Variants in DSCAM observed in about 807,000 individuals in gnomAD.
DSCAM encodes the protein cell adhesion molecule DSCAM.
A neutral mutation model predicts 217.7 loss-of-function variants in DSCAM; 47 were observed. The observed-to-expected ratio is 0.22, with a 90% CI of 0.17 to 0.28. The LOEUF (loss-of-function observed/expected upper bound fraction) is 0.28. DSCAM is among the 10% of genes least tolerant of loss of function. The pLI, the probability that DSCAM is intolerant of heterozygous loss-of-function variation, is 1.00. For synonymous variants in DSCAM, 1,056 were observed against 1,015.3 expected (o/e 1.04, Z -0.76); for missense variants, 2,080 against 2,618.3 (o/e 0.79, Z 4.49).
At chr21:40,320,775 A>G (rs1436928060) in intron 8 of DSCAM, among the ~76,000 whole-genome samples, 1 of 152,192 alleles carries the variant, frequency 6.6e-6, no homozygotes. Context: ...CGAGAACAGT[A>G]TGAGGAAACT....
At chr21:40,223,835 G>C (rs984297754) in intron 11 of DSCAM, among the ~76,000 whole-genome samples, 19 of 152,152 alleles carry the variant, frequency 1.2e-4, no homozygotes, top group Non-Finnish European at 2.2e-4. Context: ...AAACAGAGAG[G>C]GTGCTCAAAA....
chr21:40,498,127 CTG>C (rs1236464980), intron 3 of DSCAM, among the ~76,000 whole-genome samples: 2 of 152,136 alleles, frequency 1.3e-5, no homozygotes, highest in Non-Finnish European at 2.9e-5. Flanking sequence ...AATAATAACT[CTG>C]TGTCATTGGG....
chr21:40,424,501 G>A (rs1288044724), intron 3 of DSCAM, among the ~76,000 whole-genome samples: 2 of 152,172 alleles, frequency 1.3e-5, no homozygotes, highest in Non-Finnish European at 2.9e-5. Flanking sequence ...GCCGCAGGAG[G>A]TGAGCAAGGA....
intron 15 of DSCAM, among the ~76,000 whole-genome samples, chr21:40,173,453 T>C (rs546049835): frequency 2.6e-5 from 4 of 152,296 alleles, no homozygotes; most frequent in Admixed American, 2.6e-4. Flanking sequence ...TTAGATTTAA[T>C]TCCCAAAGTT....
chr21:40,514,296 C>T (rs2076282823), intron 3 of DSCAM, among the ~76,000 whole-genome samples: 1 of 152,150 alleles, frequency 6.6e-6, no homozygotes. Flanking sequence ...TTCACTGAGC[C>T]AGGGAGCCAT....
intron 1 of DSCAM, among the ~76,000 whole-genome samples, chr21:40,742,085 A>G (rs143562551): frequency 0.018 from 2,670 of 152,296 alleles, 33 homozygotes; most frequent in Non-Finnish European, 0.027. Context: ...TACAACCTAG[A>G]CAGTCACATG....
intron 32 of DSCAM, among the ~76,000 whole-genome samples, chr21:40,017,477 C>T (rs1192312716): frequency 6.6e-6 from 1 of 152,140 alleles, no homozygotes; most frequent in East Asian, 1.9e-4. Flanking sequence ...AAATTAAAGG[C>T]ATTCTAATTC....
intron 3 of DSCAM, among the ~76,000 whole-genome samples, chr21:40,410,241 G>A (rs965357942): frequency 2.0e-5 from 3 of 152,050 alleles, no homozygotes; most frequent in African/African-American, 4.8e-5. Context: ...GGATTAATAG[G>A]AAGTTGGGCA....
intron 16 of DSCAM, among the ~76,000 whole-genome samples, chr21:40,147,749 T>C (rs2090374726): frequency 6.6e-6 from 1 of 152,236 alleles, no homozygotes; most frequent in African/African-American, 2.4e-5. Context: ...TTCTTCTTCA[T>C]TTAATATGCT....
intron 3 of DSCAM, among the ~76,000 whole-genome samples, chr21:40,441,721 G>A (rs758689342): frequency 5.3e-5 from 8 of 152,116 alleles, no homozygotes; most frequent in Non-Finnish European, 8.8e-5. Flanking sequence ...AGCCCTGGAT[G>A]AACCCCAGAC....
intron 11 of DSCAM, among the ~76,000 whole-genome samples, chr21:40,241,487 AT>A (rs973493503): frequency 2.6e-5 from 4 of 152,226 alleles, no homozygotes; most frequent in Admixed American, 6.5e-5. Flanking sequence ...TCTAAAAAAA[AT>A]AACAGGTGCC....
chr21:40,343,044 A>C (rs1232982859), intron 6 of DSCAM, among the ~76,000 whole-genome samples: 1 of 152,074 alleles, frequency 6.6e-6, no homozygotes, highest in Non-Finnish European at 1.5e-5. Flanking sequence ...TTTGTTTAAA[A>C]TATATTCCTA....
chr21:40,033,843 ACTGCCTCCTCAAGTGG>A (rs1473444102), intron 32 of DSCAM, among the ~76,000 whole-genome samples: 10 of 147,866 alleles, frequency 6.8e-5, no homozygotes, highest in African/African-American at 2.6e-4. Flanking sequence ...AGAAGGGCAG[ACTGCCTCCTCAAGTGG>A]GTCCCTGACC....
chr21:40,519,272 T>C (rs1162497244), intron 3 of DSCAM, among the ~76,000 whole-genome samples: 5 of 152,142 alleles, frequency 3.3e-5, no homozygotes, highest in African/African-American at 1.2e-4. Flanking sequence ...AATCTGGGTA[T>C]TGCTGTGAAG....
intron 3 of DSCAM, among the ~76,000 whole-genome samples, chr21:40,426,716 G>A (rs999342552): frequency 3.3e-5 from 5 of 152,130 alleles, no homozygotes; most frequent in African/African-American, 1.2e-4. Flanking sequence ...AAGAGGCCCA[G>A]CAAGCTTTGT....
At chr21:40,754,143 C>T (rs1327121184) in intron 1 of DSCAM, among the ~76,000 whole-genome samples, 1 of 152,214 alleles carries the variant, frequency 6.6e-6, no homozygotes, top group Non-Finnish European at 1.5e-5. Context: ...GCACACCAGA[C>T]CCTCCGACAC....
chr21:40,759,136 G>C (rs1240085874), intron 1 of DSCAM, among the ~76,000 whole-genome samples: 2 of 152,052 alleles, frequency 1.3e-5, no homozygotes, highest in Non-Finnish European at 2.9e-5. Flanking sequence ...CCAGCCTGGG[G>C]CCTTTGCTCT....
intron 21 of DSCAM, 82 bp downstream of exon 21, chr21:40,093,639 G>A (rs1264104085): frequency 1.3e-6 from 2 of 1,497,904 alleles, no homozygotes; most frequent in Admixed American, 2.0e-5. Context: ...TTAGGAAAGT[G>A]TAAGTTTTAT....
intron 11 of DSCAM, among the ~76,000 whole-genome samples, chr21:40,259,908 T>C (rs1466572168): frequency 1.3e-5 from 2 of 151,946 alleles, no homozygotes; most frequent in African/African-American, 4.8e-5. Flanking sequence ...TTTGTATTTT[T>C]AGTAGAGACG....
Sources: gnomAD v4.1 joint callset for allele counts (sites outside exome capture counted in the v4.1 genomes callset) on GRCh38, gnomAD v4.1.1 for gene constraint, MANE v1.5 for transcripts, NCBI Gene and HGNC (gene_info 2026-07-23, HGNC 2026-07-21) for gene names.